Variants in WWC2 observed in about 807,000 individuals in gnomAD.
WWC2 encodes WW and C2 domain containing 2.
A neutral mutation model predicts 138.5 loss-of-function variants in WWC2; 101 were observed. The ratio of observed to expected loss-of-function variants is 0.73; its 90% CI spans 0.62 to 0.86. WWC2 has a LOEUF of 0.86. Ranked by LOEUF, WWC2 falls within the 40% of genes least tolerant of loss-of-function variation. The probability of loss-of-function intolerance (pLI) is 0.00; values close to 1 mark genes in which losing one functional copy is unlikely to be tolerated. For missense variants in WWC2, 1,420 were observed against 1,419.4 expected, an observed-to-expected ratio of 1.00 and a Z score of -0.01; for synonymous variants, 558 against 538.4, an observed-to-expected ratio of 1.04 and a Z score of -0.50.
intron 1 of WWC2, among the ~76,000 whole-genome samples, chr4:183,180,852 A>G (rs1734612027): frequency 6.6e-6 from 1 of 152,156 alleles, no homozygotes; most frequent in Non-Finnish European, 1.5e-5. Flanking sequence ...CACAATTTGA[A>G]AAAACTTACG....
At chr4:183,215,711 T>TA (rs1735737325) in intron 4 of WWC2, among the ~76,000 whole-genome samples, 2 of 152,200 alleles carry the variant, frequency 1.3e-5, no homozygotes, top group African/African-American at 4.8e-5. Flanking sequence ...GCAGGCTAAA[T>TA]ATGTATTTTA....
chr4:183,126,365 TG>T (rs1488473010), intron 1 of WWC2, among the ~76,000 whole-genome samples: 2 of 152,214 alleles, frequency 1.3e-5, no homozygotes, highest in East Asian at 3.8e-4. Context: ...TCTGGGATCC[TG>T]TTATGCCAGA....
At chr4:183,202,122 TGGCTAGGTTGAATAATTTC>T in intron 2 of WWC2, among the ~76,000 whole-genome samples, 1 of 152,022 alleles carries the variant, frequency 6.6e-6, no homozygotes, top group Non-Finnish European at 1.5e-5. Flanking sequence ...AGTTTAGGAT[TGGCTAGGTTGAATAATTTC>T]GGCAGACTCT....
intron 1 of WWC2, among the ~76,000 whole-genome samples, chr4:183,121,194 G>C (rs1253032620): frequency 6.8e-6 from 1 of 147,208 alleles, no homozygotes; most frequent in Non-Finnish European, 1.5e-5. Flanking sequence ...AACAGATAGA[G>C]ACATTATCTC....
chr4:183,240,382 C>T (rs1435043378), intron 5 of WWC2, 120 bp downstream of exon 5: 2 of 679,094 alleles, frequency 2.9e-6, no homozygotes, highest in East Asian at 6.2e-5. Flanking sequence ...TAAAAAAGTT[C>T]AGAGCTCTAC....
At chr4:183,245,231 A>C (rs1407381990) in intron 5 of WWC2, among the ~76,000 whole-genome samples, 185 bp from the exon 6 acceptor site, 1 of 141,946 alleles carries the variant, frequency 7.0e-6, no homozygotes, top group African/African-American at 2.9e-5. Context: ...CATCTAAAAA[A>C]AAAAAAAAAA....
intron 2 of WWC2, among the ~76,000 whole-genome samples, chr4:183,201,186 G>T (rs1387161889): frequency 6.6e-6 from 1 of 152,182 alleles, no homozygotes; most frequent in East Asian, 1.9e-4. Context: ...GGGCTGCCTT[G>T]TGGTGGTGAT....
chr4:183,146,525 A>C lies in WWC2; in HGVS notation c.131+46903A>C, dbSNP rs184365326. Among the ~76,000 whole-genome samples the C allele has an allele frequency of 2.2e-3, 332 of 152,338 alleles. 1 individual carries two copies. Among genetic ancestry groups the C allele is most frequent in the Non-Finnish European group, 3.8e-3 (258 of 68,030 alleles). On this transcript the variant is annotated intron_variant, in intron 1 of 22. Coordinates refer to ENST00000403733, the MANE Select transcript of WWC2 (RefSeq NM_024949.6). ...ATTCAGAGTTTGGGGGAGTTCTTTC[A>C]TGCCCAGGTACCATAGGTTTGCAGC...
chr4:183,136,876 T>C (rs548631982), intron 1 of WWC2, among the ~76,000 whole-genome samples: 1 of 152,358 alleles, frequency 6.6e-6, no homozygotes, highest in African/African-American at 2.4e-5. Context: ...CTAGATGTTA[T>C]AGCCTATTAG....
At chr4:183,268,920 C>T (rs1737598777) in intron 14 of WWC2, 51 bp from the exon 15 acceptor site, 2 of 1,492,524 alleles carry the variant, frequency 1.3e-6, no homozygotes. Flanking sequence ...AGCTGTGAAT[C>T]TGGTATAATT....
chr4:183,206,786 T>C (rs1431450807), intron 2 of WWC2, among the ~76,000 whole-genome samples: 1 of 152,208 alleles, frequency 6.6e-6, no homozygotes, highest in Non-Finnish European at 1.5e-5. Flanking sequence ...CGTTCTCTTG[T>C]ATACACCATG....
intron 1 of WWC2, among the ~76,000 whole-genome samples, chr4:183,154,532 T>A (rs989761408): frequency 2.0e-5 from 3 of 152,212 alleles, no homozygotes; most frequent in African/African-American, 7.2e-5. Context: ...GTTGGACTTC[T>A]GTGTTCACCA....
At chr4:183,152,149 A>G (rs1475453884) in intron 1 of WWC2, among the ~76,000 whole-genome samples, 2 of 152,084 alleles carry the variant, frequency 1.3e-5, no homozygotes, top group African/African-American at 4.8e-5. Context: ...CGTAAGAAAG[A>G]AAAGGATTTA....
intron 17 of WWC2, 195 bp downstream of exon 17, chr4:183,281,092 T>TA: frequency 1.5e-6 from 1 of 671,344 alleles, no homozygotes; most frequent in South Asian, 3.4e-5. Flanking sequence ...TGGGCAAAGT[T>TA]AAAACATTAG....
chr4:183,132,947 CCT>C (rs1732973290), intron 1 of WWC2, among the ~76,000 whole-genome samples: 1 of 151,702 alleles, frequency 6.6e-6, no homozygotes, highest in Non-Finnish European at 1.5e-5. Flanking sequence ...ATTATTAGCC[CCT>C]GTTCCCAAAT....
At chr4:183,257,665 C>G (rs983512788) in intron 9 of WWC2, among the ~76,000 whole-genome samples, 4 of 152,104 alleles carry the variant, frequency 2.6e-5, no homozygotes, top group African/African-American at 9.7e-5. Flanking sequence ...ACATGAAATA[C>G]ACGTGGATTC....
intron 5 of WWC2, among the ~76,000 whole-genome samples, chr4:183,243,971 CTTTG>C (rs973771459): frequency 3.3e-5 from 5 of 151,980 alleles, no homozygotes; most frequent in Non-Finnish European, 5.9e-5. Flanking sequence ...TTTGAGTGGA[CTTTG>C]TTTGGAAGAG....
intron 16 of WWC2, among the ~76,000 whole-genome samples, chr4:183,279,429 A>G (rs2111398490): frequency 6.6e-6 from 1 of 152,206 alleles, no homozygotes; most frequent in East Asian, 1.9e-4. Context: ...ATATTGGTCT[A>G]AAATTCTCTT....
chr4:183,132,688 C>T (rs1483495845), intron 1 of WWC2, among the ~76,000 whole-genome samples: 1 of 152,042 alleles, frequency 6.6e-6, no homozygotes, highest in African/African-American at 2.4e-5. Context: ...CTCCTGACCT[C>T]GTGATCCGCC....
Sources: allele counts gnomAD v4.1 joint callset (sites outside exome capture counted in the v4.1 genomes callset), GRCh38; gene constraint gnomAD v4.1.1; transcripts MANE v1.5; gene names NCBI Gene and HGNC (gene_info 2026-07-23, HGNC 2026-07-21).